TNC: variants seen among roughly 807,000 people sequenced by gnomAD.
TNC encodes the protein tenascin.
TNC carries 109 observed loss-of-function variants against 202.4 expected under a neutral mutation model. The observed-to-expected ratio is 0.54, with a 90% CI of 0.46 to 0.63. TNC has a LOEUF of 0.63. TNC is among the 30% of genes least tolerant of loss of function. The probability of loss-of-function intolerance (pLI) is 0.00; values close to 1 mark genes in which losing one functional copy is unlikely to be tolerated. For synonymous variants in TNC, 1,007 were observed against 1,089.7 expected, an observed-to-expected ratio of 0.92 and a Z score of 1.50; for missense variants, 2,756 against 2,833.3, an observed-to-expected ratio of 0.97 and a Z score of 0.62.
rs562551960 is a variant in TNC at position 115,058,385 on chromosome 9, C to A, written c.4307-960G>T. ...TGCCCATAGGCCAATTCATCAGTGG[C>A]AAGAATGTTGCTATTGTTAAGAAGA... On this transcript the variant is annotated intron_variant, in intron 14 of 27. Coordinates refer to ENST00000350763, the MANE Select transcript of TNC (RefSeq NM_002160.4). 7.2e-5 allele frequency among the ~76,000 whole-genome samples: 11 copies of A among 152,268 alleles called. No individual in the cohort carries two copies. The South Asian group carries it at 1.9e-3, about 26-fold the overall frequency.
At chr9:115,073,377 T>C (rs969805643) in intron 10 of TNC, among the ~76,000 whole-genome samples, 11 of 151,998 alleles carry the variant, frequency 7.2e-5, no homozygotes, top group Admixed American at 2.6e-4. Flanking sequence ...TAGGAAGAAA[T>C]ATTTTAAAAC....
Position 115,073,663 on chromosome 9 carries a change from G to A in TNC, c.3154C>T (p.Leu1052Phe), listed in dbSNP as rs1416720379. The A allele has an allele frequency of 1.9e-5, 31 of 1,614,026 alleles. No individual in the cohort carries two copies. The highest frequency in any genetic ancestry group is 2.4e-5 in the Non-Finnish European group (28 of 1,180,036). ...GLEPGQEYNV[L>F]LTAEKGRHKS... ...TGTCTGCCTTTCTCGGCTGTCAGGA[G>A]GACATTGTACTCCTGTCCTGGTTCC... is the stretch of plus-strand genomic sequence containing the variant. The change falls in exon 10 of 28, where the codon CTC (leucine) becomes TTC (phenylalanine). Residue 1052 changes from leucine to phenylalanine, a missense_variant. Physicochemically the swap from Leu to Phe is conservative, Grantham distance 22. Around this residue, in one of 2 missense-constraint regions of TNC, gnomAD observed 2,559 missense variants for 2,546.0 expected, o/e 1.01. Transcript: ENST00000350763.
chr9:115,070,544 G>T lies in TNC; in HGVS notation c.3214+3059C>A, dbSNP rs79843846. Among the ~76,000 whole-genome samples the T allele has an allele frequency of 2.0e-5, 3 of 152,216 alleles. No homozygotes were observed. The East Asian group carries it at 5.8e-4, about 29-fold the overall frequency. ...GGGCGAGAGGTGTGATAGGTGGCCAGGTTATGCATATTTTTAGTATGGTGC... is the reference window on the plus strand; with the variant it reads ...GGGCGAGAGGTGTGATAGGTGGCCATGTTATGCATATTTTTAGTATGGTGC... On this transcript the variant is annotated intron_variant, in intron 10 of 27. Coordinates refer to ENST00000350763, the MANE Select transcript of TNC (RefSeq NM_002160.4).
chr9:115,043,484 C>T (rs775900073), intron 17 of TNC, among the ~76,000 whole-genome samples: 3 of 152,074 alleles, frequency 2.0e-5, no homozygotes, highest in Non-Finnish European at 2.9e-5. Context: ...TTGGGCAGGT[C>T]CCTTCACTTC....
At chr9:115,112,106 G>A (rs971506461) in intron 1 of TNC, among the ~76,000 whole-genome samples, 3 of 152,164 alleles carry the variant, frequency 2.0e-5, no homozygotes, top group African/African-American at 7.2e-5. Context: ...GTGAGTTAAG[G>A]CTGTTGAGAG....
intron 27 of TNC, 136 bp from the exon 28 acceptor site, chr9:115,021,403 G>A: frequency 1.6e-6 from 1 of 627,632 alleles, no homozygotes; most frequent in South Asian, 2.0e-5. Flanking sequence ...TGACCATTTG[G>A]TATATCACAG....
At chr9:115,107,361 G>A (rs543613121) in intron 1 of TNC, among the ~76,000 whole-genome samples, 1 of 152,156 alleles carries the variant, frequency 6.6e-6, no homozygotes, top group African/African-American at 2.4e-5. Flanking sequence ...AAAATAGGCT[G>A]CCACCCTATG....
intron 1 of TNC, among the ~76,000 whole-genome samples, chr9:115,110,878 AT>A (rs71375271): frequency 0.78 from 91,203 of 117,176 alleles, 35,336 homozygotes; most frequent in Admixed American, 0.86. Context: ...GGCTGCCAGA[AT>A]TTTTTTTTTT....
intron 14 of TNC, 27 bp from the exon 15 acceptor site, chr9:115,057,452 G>GA (rs754818701): frequency 6.4e-7 from 1 of 1,551,224 alleles, no homozygotes; most frequent in Non-Finnish European, 8.6e-7. Context: ...TAGGGGAGAA[G>GA]AAAAAAATAA....
At chr9:115,081,955 A>G (rs1216640551) in intron 5 of TNC, 27 bp from the exon 6 acceptor site, 15 of 1,567,894 alleles carry the variant, frequency 9.6e-6, no homozygotes, top group Non-Finnish European at 1.0e-5. Flanking sequence ...GCTTGGTAAG[A>G]GTTAGGGGAG....
intron 18 of TNC, among the ~76,000 whole-genome samples, chr9:115,041,937 T>C (rs1830788479): frequency 6.6e-6 from 1 of 152,236 alleles, no homozygotes; most frequent in Non-Finnish European, 1.5e-5. Context: ...TTAGAATCTT[T>C]TGCCATTGTG....
intron 25 of TNC, among the ~76,000 whole-genome samples, chr9:115,028,679 T>A (rs1053555213): frequency 5.9e-5 from 9 of 152,094 alleles, no homozygotes; most frequent in Non-Finnish European, 7.4e-5. Context: ...CCTCTCCTTT[T>A]GTCCCTAAGC....
intron 18 of TNC, among the ~76,000 whole-genome samples, chr9:115,041,472 AG>A (rs1402544003): frequency 5.9e-5 from 9 of 152,228 alleles, no homozygotes; most frequent in Non-Finnish European, 1.3e-4. Context: ...GTCTTGGCTT[AG>A]GATTATAGAC....
intron 13 of TNC, 75 bp downstream of exon 13, chr9:115,062,842 C>G: frequency 6.6e-7 from 1 of 1,517,090 alleles, no homozygotes; most frequent in Non-Finnish European, 8.9e-7. Flanking sequence ...GATTCTGCCA[C>G]ACGGGTGAAT....
chr9:115,050,564 C>T (rs1403589969), intron 15 of TNC, among the ~76,000 whole-genome samples: 2 of 152,166 alleles, frequency 1.3e-5, no homozygotes, highest in Non-Finnish European at 2.9e-5. Flanking sequence ...GGAAAAAATA[C>T]TCATTTTTTA....
chr9:115,070,650 A>G (rs1362975127), intron 10 of TNC, among the ~76,000 whole-genome samples: 4 of 152,222 alleles, frequency 2.6e-5, no homozygotes, highest in Admixed American at 1.3e-4. Context: ...CTTCAGGGCC[A>G]CTGATTCTTC....
rs188887335 is a variant in TNC, at chr9:115,067,196, G to A, written c.3215-2277C>T. On this transcript the variant is annotated intron_variant, in intron 10 of 27. Transcript: ENST00000350763. ...ATAGTGATTATACCCTTGACATTGG[G>A]ATTTAAGCACAACTAAACTCAAGAG... 3.1e-3 allele frequency among the ~76,000 whole-genome samples: 469 copies of A among 152,334 alleles called. 9 individuals carry two copies. The highest frequency in any genetic ancestry group is 0.027 in the Admixed American group (410 of 15,306).
chr9:115,073,949 C>T, intron 9 of TNC, 83 bp from the exon 10 acceptor site: 2 of 1,437,586 alleles, frequency 1.4e-6, no homozygotes, highest in South Asian at 1.3e-5. Flanking sequence ...TGCATCTGGG[C>T]TGGAATCCTA....
At chr9:115,093,203 A>G (rs1463978199) in intron 1 of TNC, among the ~76,000 whole-genome samples, 1 of 152,176 alleles carries the variant, frequency 6.6e-6, no homozygotes, top group Non-Finnish European at 1.5e-5. Context: ...CTGAGAAAGC[A>G]CTAGTGAATT....
Sources: allele counts gnomAD v4.1 joint callset (sites outside exome capture counted in the v4.1 genomes callset), GRCh38; gene constraint gnomAD v4.1.1; regional missense constraint gnomAD v4.1.1; transcripts MANE v1.5; gene names NCBI Gene and HGNC (gene_info 2026-07-23, HGNC 2026-07-21).